The following PI4K2B variants were observed in gnomAD, a reference collection of about 807,000 sequenced individuals.
PI4K2B encodes phosphatidylinositol 4-kinase type 2 beta.
PI4K2B carries 46 observed loss-of-function variants against 56.6 expected under a neutral mutation model. The ratio of observed to expected loss-of-function variants is 0.81; its 90% CI spans 0.64 to 1.04. The LOEUF (loss-of-function observed/expected upper bound fraction) is 1.04. Ranked by LOEUF, PI4K2B falls within the 50% of genes least tolerant of loss-of-function variation. PI4K2B has a pLI of 0.00. For missense variants in PI4K2B, 556 were observed against 607.7 expected (o/e 0.91, Z 0.89); for synonymous variants, 211 against 223.8 (o/e 0.94, Z 0.51).
At chr4:25,242,381 C>T (rs1715563504) in intron 1 of PI4K2B, among the ~76,000 whole-genome samples, 2 of 152,234 alleles carry the variant, frequency 1.3e-5, no homozygotes. Context: ...TGGGGCAAGA[C>T]CTTCCACGTA....
chr4:25,276,673 A>G lies in PI4K2B; in HGVS notation c.1273-341A>G, dbSNP rs1363216470. On this transcript the variant is annotated intron_variant, in intron 9 of 9. Transcript: ENST00000264864. ...TTAAACCAGTATTTGTTGAGTTTTT[A>G]TGTTAAATTGAATATGTATGTAGAC... The G allele has an allele frequency of 6.1e-6, 6 of 984,860 alleles. No homozygotes were observed. The South Asian group carries it at 2.3e-4, about 39-fold the overall frequency. 61.0% of individuals were successfully genotyped at this position (984,860 alleles called of 1,614,324 possible).
At chr4:25,248,979 C>G (rs1422089378) in intron 1 of PI4K2B, among the ~76,000 whole-genome samples, 2 of 152,042 alleles carry the variant, frequency 1.3e-5, no homozygotes, top group South Asian at 4.2e-4. Flanking sequence ...GTGTTTGTGT[C>G]TCTGGGTACT....
chr4:25,234,287 G>A lies in PI4K2B; in HGVS notation c.124G>A (p.Ala42Thr). 1 of 1,418,672 alleles carries A rather than the reference G, an allele frequency of 7.0e-7. No individual in the cohort carries two copies. Among genetic ancestry groups the A allele is most frequent in the Non-Finnish European group, 9.2e-7 (1 of 1,081,980 alleles). The allele number at this position is 1,418,672 out of a possible 1,614,324, so 87.9% of individuals were successfully genotyped here. A position where few individuals can be genotyped will look rare whatever the true frequency, so the allele number is the denominator to read the frequency against. Residue 42 changes from alanine (A) to threonine (T), a missense_variant, in exon 1 of 10, where the codon GCC becomes ACC. Physicochemically the swap from Ala to Thr is moderately conservative, Grantham distance 58. Coordinates refer to ENST00000264864, the MANE Select transcript of PI4K2B (RefSeq NM_018323.4). ...CGCCTGGGCCCACCCGCGGAGAGGC[G>A]CCCCAGGCAGCGCCGTGAGGCTGCT... Reference protein sequence around the residue: ...RIAWAHPRRGAPGSAVRLLDA... With the variant: ...RIAWAHPRRGTPGSAVRLLDA...
At chr4:25,245,360 G>A (rs1017036254) in intron 1 of PI4K2B, among the ~76,000 whole-genome samples, 3 of 152,126 alleles carry the variant, frequency 2.0e-5, no homozygotes, top group Non-Finnish European at 4.4e-5. Context: ...GGACCCAGGG[G>A]GTAAGGGTCA....
intron 1 of PI4K2B, among the ~76,000 whole-genome samples, chr4:25,249,293 G>A (rs556830978): frequency 1.4e-3 from 216 of 152,236 alleles, no homozygotes; most frequent in African/African-American, 5.0e-3. Context: ...AACCGCCATC[G>A]TCATCATGGC....
intron 7 of PI4K2B, among the ~76,000 whole-genome samples, chr4:25,268,214 AACTCTT>A (rs1242990603): frequency 6.6e-6 from 1 of 152,188 alleles, no homozygotes; most frequent in Non-Finnish European, 1.5e-5. Flanking sequence ...TCATTATCTA[AACTCTT>A]ACTCTTTACT....
chr4:25,236,053 C>G (rs765121783), intron 1 of PI4K2B, among the ~76,000 whole-genome samples: 10 of 152,010 alleles, frequency 6.6e-5, no homozygotes, highest in Non-Finnish European at 1.5e-4. Flanking sequence ...TGTTAGAATA[C>G]AAATGGATTC....
At chr4:25,271,224 A>G (rs777251037) in intron 9 of PI4K2B, among the ~76,000 whole-genome samples, 31 of 152,244 alleles carry the variant, frequency 2.0e-4, no homozygotes, top group Non-Finnish European at 4.3e-4. Context: ...CTTAAACACC[A>G]GACTGTAGAT....
intron 9 of PI4K2B, among the ~76,000 whole-genome samples, chr4:25,274,450 T>C (rs1364499167): frequency 2.6e-5 from 4 of 152,138 alleles, no homozygotes; most frequent in Non-Finnish European, 5.9e-5. Flanking sequence ...TTGTTATTCT[T>C]TGAGAAATGA....
At chr4:25,250,399 AAC>A (rs1716004131) in intron 1 of PI4K2B, 1 of 152,210 alleles carries the variant, frequency 6.6e-6, no homozygotes, top group South Asian at 2.1e-4. Context: ...AAATGATGAG[AAC>A]ACACAGACAC....
At chr4:25,269,578 G>T (rs551253630) in intron 9 of PI4K2B, among the ~76,000 whole-genome samples, 24 of 150,966 alleles carry the variant, frequency 1.6e-4, no homozygotes, top group Admixed American at 1.2e-3. Flanking sequence ...GGCAGAGGTT[G>T]CAGTGAGCTG....
chr4:25,235,980 C>G (rs62411603), intron 1 of PI4K2B, among the ~76,000 whole-genome samples: 2,591 of 144,918 alleles, frequency 0.018, 31 homozygotes, highest in Non-Finnish European at 0.03. Flanking sequence ...ATAGCGAGAT[C>G]CCCATCTCTA....
intron 1 of PI4K2B, among the ~76,000 whole-genome samples, chr4:25,249,698 G>C (rs904875596): frequency 6.6e-6 from 1 of 151,934 alleles, no homozygotes; most frequent in Admixed American, 6.6e-5. Context: ...TTCCCAGACG[G>C]GGTGGCGGCC....
intron 9 of PI4K2B, chr4:25,276,586 A>T: frequency 1.1e-6 from 1 of 870,608 alleles, no homozygotes; most frequent in Non-Finnish European, 1.4e-6. Context: ...CGCACATAGT[A>T]GGCATACAAT....
At chr4:25,252,025 A>G (rs533181705) in intron 1 of PI4K2B, among the ~76,000 whole-genome samples, 1 of 152,190 alleles carries the variant, frequency 6.6e-6, no homozygotes, top group East Asian at 1.9e-4. Flanking sequence ...GGGTTTTGCC[A>G]TGTTGGCCAG....
chr4:25,258,560 C>A, intron 4 of PI4K2B: 7 of 346,284 alleles, frequency 2.0e-5, no homozygotes, highest in South Asian at 1.2e-4. Flanking sequence ...AAGAAAGAGT[C>A]TTAACAACTA....
At chr4:25,276,722 T>G in intron 9 of PI4K2B, 2 of 985,342 alleles carry the variant, frequency 2.0e-6, no homozygotes, top group Non-Finnish European at 2.4e-6. Context: ...GTTCTTTGAT[T>G]CCATTGCTCC....
At chr4:25,275,019 G>T (rs757729513) in intron 9 of PI4K2B, among the ~76,000 whole-genome samples, 1 of 152,002 alleles carries the variant, frequency 6.6e-6, no homozygotes, top group Middle Eastern at 3.4e-3. Context: ...GGTCAGGCTG[G>T]TCTCAAACTC....
intron 9 of PI4K2B, among the ~76,000 whole-genome samples, chr4:25,275,689 G>A (rs1294106091): frequency 6.6e-6 from 1 of 151,264 alleles, no homozygotes; most frequent in East Asian, 1.9e-4. Flanking sequence ...CAAAAAAAAA[G>A]AAAATGTTAA....
Sources: gnomAD v4.1 joint callset for allele counts (sites outside exome capture counted in the v4.1 genomes callset) on GRCh38, gnomAD v4.1.1 for gene constraint, MANE v1.5 for transcripts, NCBI Gene and HGNC (gene_info 2026-07-23, HGNC 2026-07-21) for gene names.